The following TMEM131L variants were observed in gnomAD, a reference collection of about 807,000 sequenced individuals.
TMEM131L encodes transmembrane protein 131-like.
A neutral mutation model predicts 192.2 loss-of-function variants in TMEM131L; 54 were observed. The observed-to-expected ratio is 0.28, with a 90% confidence interval of 0.23 to 0.35. The LOEUF is 0.35. Ranked by LOEUF, TMEM131L falls within the 10% of genes least tolerant of loss-of-function variation. The probability of loss-of-function intolerance (pLI) is 1.00; values close to 1 mark genes in which losing one functional copy is unlikely to be tolerated. For synonymous variants in TMEM131L, 701 were observed against 704.9 expected, an observed-to-expected ratio of 0.99 and a Z score of 0.09; for missense variants, 1,888 against 1,972.9, an observed-to-expected ratio of 0.96 and a Z score of 0.82.
chr4:153,550,184 C>A, intron 4 of TMEM131L, 43 bp downstream of exon 4: 1 of 833,194 alleles, frequency 1.2e-6, no homozygotes, highest in Non-Finnish European at 1.8e-6. Context: ...TTTATTTATA[C>A]TATTTATTTT....
chr4:153,556,802 T>C (rs1728491829), intron 5 of TMEM131L, among the ~76,000 whole-genome samples, 164 bp from the exon 6 acceptor site: 1 of 152,116 alleles, frequency 6.6e-6, no homozygotes. Flanking sequence ...GAGCAGATAA[T>C]TGGATGCTGA....
intron 3 of TMEM131L, among the ~76,000 whole-genome samples, chr4:153,527,647 C>A (rs1246635392): frequency 6.6e-6 from 1 of 152,154 alleles, no homozygotes; most frequent in African/African-American, 2.4e-5. Context: ...CCCACCCCTG[C>A]CCTGATTTAA....
chr4:153,592,979 C>G (rs547037419), intron 18 of TMEM131L, among the ~76,000 whole-genome samples: 1 of 152,202 alleles, frequency 6.6e-6, no homozygotes, highest in South Asian at 2.1e-4. Context: ...GTCGCAGGAC[C>G]CCCTCGGATA....
At chr4:153,526,551 G>A (rs916519395) in intron 3 of TMEM131L, among the ~76,000 whole-genome samples, 12 of 151,910 alleles carry the variant, frequency 7.9e-5, no homozygotes, top group South Asian at 4.1e-4. Context: ...CGGCTAACAC[G>A]GTGAAACCCC....
At chr4:153,560,060 A>T (rs1642417349) in intron 7 of TMEM131L, among the ~76,000 whole-genome samples, 1 of 151,522 alleles carries the variant, frequency 6.6e-6, no homozygotes, top group Admixed American at 6.6e-5. Context: ...TCCTTTTTCA[A>T]CTCACACTTG....
chr4:153,557,403 C>T (rs1003106789), intron 6 of TMEM131L, among the ~76,000 whole-genome samples: 1 of 152,158 alleles, frequency 6.6e-6, no homozygotes, highest in African/African-American at 2.4e-5. Context: ...TCTCACCTCA[C>T]GGGCGTTCAG....
At chr4:153,554,635 A>G (rs949487084) in intron 4 of TMEM131L, among the ~76,000 whole-genome samples, 1 of 152,248 alleles carries the variant, frequency 6.6e-6, no homozygotes, top group Admixed American at 6.5e-5. Flanking sequence ...AATTATAGAT[A>G]TAATTCATTC....
intron 33 of TMEM131L, among the ~76,000 whole-genome samples, chr4:153,634,544 A>G (rs1734440711): frequency 6.6e-6 from 1 of 152,192 alleles, no homozygotes; most frequent in Non-Finnish European, 1.5e-5. Context: ...AGTTAGGTAG[A>G]ACTAGGTCAT....
intron 7 of TMEM131L, among the ~76,000 whole-genome samples, chr4:153,579,663 C>T (rs1339856360): frequency 4.6e-5 from 7 of 152,024 alleles, no homozygotes; most frequent in Non-Finnish European, 8.8e-5. Flanking sequence ...CTAGTAGAGA[C>T]GGGGTTTTGC....
At chr4:153,514,096 G>C (rs1734543384) in intron 3 of TMEM131L, among the ~76,000 whole-genome samples, 1 of 152,098 alleles carries the variant, frequency 6.6e-6, no homozygotes, top group African/African-American at 2.4e-5. Context: ...CACAGCTTTG[G>C]AATCATAAAC....
intron 24 of TMEM131L, 156 bp downstream of exon 24, chr4:153,603,608 A>T: frequency 1.0e-6 from 1 of 998,460 alleles, no homozygotes; most frequent in Non-Finnish European, 1.4e-6. Context: ...CATTATTATT[A>T]TGAGATAGTC....
intron 3 of TMEM131L, among the ~76,000 whole-genome samples, chr4:153,489,104 T>C (rs1456394447): frequency 2.0e-5 from 3 of 152,178 alleles, no homozygotes; most frequent in Non-Finnish European, 2.9e-5. Context: ...TTGGGGTTGG[T>C]GGAGACACAG....
At chr4:153,480,757 C>A (rs1731884946) in intron 3 of TMEM131L, among the ~76,000 whole-genome samples, 1 of 152,102 alleles carries the variant, frequency 6.6e-6, no homozygotes, top group Admixed American at 6.5e-5. Flanking sequence ...TATATACTCT[C>A]TATATAGAAG....
At chr4:153,543,964 G>A (rs1002387284) in intron 3 of TMEM131L, among the ~76,000 whole-genome samples, 5 of 152,198 alleles carry the variant, frequency 3.3e-5, no homozygotes, top group East Asian at 3.8e-4. Context: ...TCTGGTTACC[G>A]TGGTCTACTT....
At chr4:153,470,417 A>G (rs534761522) in intron 2 of TMEM131L, among the ~76,000 whole-genome samples, 2 of 152,290 alleles carry the variant, frequency 1.3e-5, no homozygotes, top group South Asian at 2.1e-4. Flanking sequence ...TGTGTGCTCT[A>G]TGATTGTAAA....
intron 26 of TMEM131L, among the ~76,000 whole-genome samples, chr4:153,619,030 G>A (rs183084445): frequency 2.9e-4 from 44 of 152,204 alleles, no homozygotes; most frequent in Admixed American, 1.2e-3. Context: ...TCATACTCAC[G>A]GAGAACTCTT....
intron 5 of TMEM131L, among the ~76,000 whole-genome samples, chr4:153,556,263 A>G (rs1364819022): frequency 6.6e-6 from 1 of 152,196 alleles, no homozygotes; most frequent in Non-Finnish European, 1.5e-5. Flanking sequence ...TTAGTAACTA[A>G]TACAAGTTTA....
intron 3 of TMEM131L, among the ~76,000 whole-genome samples, chr4:153,522,539 A>T (rs1156430366): frequency 6.6e-6 from 1 of 152,046 alleles, no homozygotes; most frequent in South Asian, 2.1e-4. Context: ...CCCCTGCCTC[A>T]TGCTATTTCT....
chr4:153,527,741 C>T (rs146913500), intron 3 of TMEM131L, among the ~76,000 whole-genome samples: 4 of 152,240 alleles, frequency 2.6e-5, no homozygotes, highest in East Asian at 3.9e-4. Flanking sequence ...TTTGAGGAAA[C>T]GCAGCCCAGG....
Sources: gnomAD v4.1 joint callset for allele counts (sites outside exome capture counted in the v4.1 genomes callset) on GRCh38, gnomAD v4.1.1 for gene constraint, MANE v1.5 for transcripts, NCBI Gene and HGNC (gene_info 2026-07-23, HGNC 2026-07-21) for gene names.